Variants in GRM8 observed in about 807,000 individuals in gnomAD.
GRM8 encodes the protein glutamate metabotropic receptor 8.
Under a neutral mutation model 87.2 loss-of-function variants are expected in GRM8, and 47 were observed. The ratio of observed to expected loss-of-function variants is 0.54; its 90% confidence interval spans 0.43 to 0.69. GRM8 has a LOEUF of 0.69. Ranked by LOEUF, GRM8 falls within the 30% of genes least tolerant of loss-of-function variation. The probability of loss-of-function intolerance (pLI) is 0.00; values close to 1 mark genes in which losing one functional copy is unlikely to be tolerated. For missense variants in GRM8, 1,019 were observed against 1,139.2 expected (o/e 0.89, Z 1.52); for synonymous variants, 396 against 404.5 (o/e 0.98, Z 0.25).
chr7:127,117,229 T>A (rs1383627742), intron 2 of GRM8, among the ~76,000 whole-genome samples: 1 of 152,130 alleles, frequency 6.6e-6, no homozygotes, highest in East Asian at 1.9e-4. Context: ...TCAAGCTATA[T>A]GAGAAGCAGG....
chr7:127,089,635 C>T (rs1823860974), intron 3 of GRM8, among the ~76,000 whole-genome samples: 2 of 152,188 alleles, frequency 1.3e-5, no homozygotes, highest in South Asian at 4.1e-4. Context: ...GTCAGATTTA[C>T]TCCTATACTG....
chr7:126,507,364 A>C, intron 9 of GRM8, among the ~76,000 whole-genome samples: 1 of 152,086 alleles, frequency 6.6e-6, no homozygotes, highest in East Asian at 1.9e-4. Context: ...AAATTGAATA[A>C]AAATAGCACG....
intron 7 of GRM8, among the ~76,000 whole-genome samples, chr7:126,647,309 A>G (rs1250795761): frequency 1.2e-5 from 1 of 82,912 alleles, no homozygotes; most frequent in African/African-American, 3.7e-5. Flanking sequence ...ATAGATAGAT[A>G]GATAGATAGA....
chr7:126,512,162 T>C (rs2150749050), intron 9 of GRM8: 1 of 152,258 alleles, frequency 6.6e-6, no homozygotes, highest in South Asian at 2.1e-4. Flanking sequence ...CCATTGTGTA[T>C]ACCTCCCCAG....
chr7:126,470,990 T>A lies in GRM8; in HGVS notation c.2431-24618A>T, dbSNP rs1173712045. 3.4e-4 allele frequency among the ~76,000 whole-genome samples: 52 copies of A among 152,228 alleles called. 1 individual carries two copies. The highest frequency in any genetic ancestry group is 5.9e-5 in the Non-Finnish European group (4 of 68,046). ...GTTTTTTGGCTGCATAAATGTCTTCTTTTGAGAAGTGTCTGCTCATGTCCT... is the reference window on the plus strand; with the variant it reads ...GTTTTTTGGCTGCATAAATGTCTTCATTTGAGAAGTGTCTGCTCATGTCCT... On this transcript the variant is annotated intron_variant, in intron 9 of 10. Transcript: ENST00000339582.
intron 8 of GRM8, among the ~76,000 whole-genome samples, chr7:126,566,506 G>A (rs1794229329): frequency 6.6e-6 from 1 of 152,090 alleles, no homozygotes; most frequent in African/African-American, 2.4e-5. Flanking sequence ...ACACCTGTCA[G>A]AATGACTATT....
chr7:127,224,847 T>A (rs1411635037), intron 2 of GRM8, among the ~76,000 whole-genome samples: 2 of 152,188 alleles, frequency 1.3e-5, no homozygotes, highest in Admixed American at 6.5e-5. Context: ...ATTCCTGAAC[T>A]CAAGCAATCT....
intron 3 of GRM8, among the ~76,000 whole-genome samples, chr7:127,057,024 A>G (rs1229442986): frequency 1.3e-5 from 2 of 152,220 alleles, no homozygotes; most frequent in African/African-American, 4.8e-5. Context: ...GTGAACTGAC[A>G]AAGCTACATA....
intron 6 of GRM8, among the ~76,000 whole-genome samples, chr7:126,792,028 T>C (rs910678318): frequency 1.3e-5 from 2 of 152,178 alleles, no homozygotes; most frequent in Admixed American, 6.5e-5. Context: ...ATAAGTGATA[T>C]GGTTTCAGAG....
intron 6 of GRM8, among the ~76,000 whole-genome samples, chr7:126,819,224 G>A (rs1001953887): frequency 2.7e-5 from 4 of 149,732 alleles, no homozygotes; most frequent in Admixed American, 1.3e-4. Flanking sequence ...TCATATTATC[G>A]TCCCCTCACT....
intron 7 of GRM8, among the ~76,000 whole-genome samples, chr7:126,696,664 G>A (rs1809414821): frequency 6.6e-6 from 1 of 152,084 alleles, no homozygotes; most frequent in South Asian, 2.1e-4. Context: ...TTTATTTGCT[G>A]AGGCTAAAAG....
At chr7:126,556,993 G>C (rs1273019660) in intron 8 of GRM8, among the ~76,000 whole-genome samples, 2 of 152,270 alleles carry the variant, frequency 1.3e-5, no homozygotes, top group African/African-American at 4.8e-5. Context: ...AAAGGGCCAA[G>C]GAACAGCACA....
chr7:127,010,635 C>T lies in GRM8; in HGVS notation c.727+95861G>A, dbSNP rs1458007393. Among the ~76,000 whole-genome samples, 5 of 152,220 alleles carry T rather than the reference C, an allele frequency of 3.3e-5. No homozygotes were observed. The East Asian group carries it at 5.8e-4, about 18-fold the overall frequency. ...TAAAGTGGGACCATTAAAACCTTTA[C>T]CCAACAACATTGTGATAGTTTCTCA... On this transcript the variant is annotated intron_variant, in intron 3 of 10. Coordinates refer to ENST00000339582, the MANE Select transcript of GRM8 (RefSeq NM_000845.3).
At chr7:126,601,775 G>A (rs868172265) in intron 8 of GRM8, among the ~76,000 whole-genome samples, 1,846 of 144,248 alleles carry the variant, frequency 0.013, 14 homozygotes, top group Non-Finnish European at 0.02. Flanking sequence ...TTTTTGATGG[G>A]GTTGTTTGTT....
Position 126,446,232 on chromosome 7 carries a change from CTTGAAGCTCCTCTTGCGTTTTTGAACA to C in GRM8, c.2544_2570del (p.Asn848_Phe856del). 2 of 1,613,050 alleles carry C rather than the reference CTTGAAGCTCCTCTTGCGTTTTTGAACA, an allele frequency of 1.2e-6. No homozygotes were observed. Among genetic ancestry groups the C allele is most frequent in the Non-Finnish European group, 1.7e-6 (2 of 1,179,416 alleles). On this transcript the variant is annotated inframe_deletion, in exon 10 of 11. Coordinates refer to ENST00000339582, the MANE Select transcript of GRM8 (RefSeq NM_000845.3). ...GCATGGTGGCAGCTGTCACCACAGC[CTTGAAGCTCCTCTTGCGTTTTTGAACA>C]TTCTGTTCTGGATGAAAAATTATAA... is the stretch of plus-strand genomic sequence containing the variant.
At chr7:126,502,932 AGC>A (rs1404803040) in intron 9 of GRM8, among the ~76,000 whole-genome samples, 2 of 152,002 alleles carry the variant, frequency 1.3e-5, no homozygotes, top group African/African-American at 4.8e-5. Flanking sequence ...GGTGCTGTTA[AGC>A]AAAGACTCTT....
At chr7:126,523,913 A>G (rs976888311) in intron 9 of GRM8, among the ~76,000 whole-genome samples, 4 of 152,204 alleles carry the variant, frequency 2.6e-5, no homozygotes, top group African/African-American at 9.6e-5. Flanking sequence ...CATTACTTAC[A>G]TTAGTAGATA....
intron 2 of GRM8, among the ~76,000 whole-genome samples, chr7:127,114,392 A>T: frequency 6.6e-6 from 1 of 152,318 alleles, no homozygotes; most frequent in South Asian, 2.1e-4. Context: ...ACATGAGCTC[A>T]GTAAGACCAA....
At chr7:127,041,033 C>T (rs771370662) in intron 3 of GRM8, among the ~76,000 whole-genome samples, 10 of 152,094 alleles carry the variant, frequency 6.6e-5, no homozygotes, top group South Asian at 2.1e-4. Context: ...TAATGGCAAA[C>T]GCATTGAATT....
Sources: allele counts gnomAD v4.1 joint callset (sites outside exome capture counted in the v4.1 genomes callset), GRCh38; gene constraint gnomAD v4.1.1; transcripts MANE v1.5; gene names NCBI Gene and HGNC (gene_info 2026-07-23, HGNC 2026-07-21).